The following ME1 variants were observed in gnomAD, a reference collection of about 807,000 sequenced individuals.
The protein encoded by ME1 is NADP-dependent malic enzyme.
A neutral mutation model predicts 66.4 loss-of-function variants in ME1; 74 were observed. That is an observed-to-expected ratio of 1.11 (90% CI 0.92 to 1.35). The LOEUF (loss-of-function observed/expected upper bound fraction) is 1.35, where lower values mean the gene tolerates loss of function less well. ME1 is among the 40% of genes most tolerant of loss of function. The pLI, the probability that ME1 is intolerant of heterozygous loss-of-function variation, is 0.00. For synonymous variants in ME1, 251 were observed against 235.6 expected (o/e 1.07, Z -0.60); for missense variants, 750 against 694.1 (o/e 1.08, Z -0.90).
chr6:83,354,192 T>C (rs1768846588), intron 3 of ME1, among the ~76,000 whole-genome samples: 1 of 152,190 alleles, frequency 6.6e-6, no homozygotes, highest in Admixed American at 6.5e-5. Flanking sequence ...ATTGGCATAA[T>C]CTTGGCTCAC....
rs1314576928 is a variant in ME1, at chr6:83,315,292, T to G, written c.704+18A>C. 6.8e-7 allele frequency: 1 copy of G among 1,463,482 alleles called. No homozygotes were observed. Among genetic ancestry groups the G allele is most frequent in the African/African-American group, 1.4e-5 (1 of 71,488 alleles). The allele number at this position is 1,463,482 out of a possible 1,614,324, so 90.7% of individuals were successfully genotyped here. On this transcript the variant is annotated intron_variant, in intron 6 of 13. Coordinates refer to ENST00000369705, the MANE Select transcript of ME1 (RefSeq NM_002395.6). ...TTATTGTTACTGACTAAAATATAGG[T>G]TAAATAAAGATACATACTTGGAAGA...
intron 7 of ME1, among the ~76,000 whole-genome samples, chr6:83,245,977 T>A (rs1196078880): frequency 6.6e-6 from 1 of 152,206 alleles, no homozygotes; most frequent in East Asian, 1.9e-4. Context: ...GAAAAATCTA[T>A]GAGTAAGAGG....
rs150363860 is a variant in ME1, at chr6:83,427,777, C to T, written c.78+3100G>A. On this transcript the variant is annotated intron_variant, in intron 1 of 13. Coordinates refer to ENST00000369705, the MANE Select transcript of ME1 (RefSeq NM_002395.6). ...CTGTAATCCCAACACTTTTGGGAGG[C>T]CGAGGCGGGCAGATCACTTAAGGTC... Among the ~76,000 whole-genome samples, 221 of 152,180 alleles carry T rather than the reference C, an allele frequency of 1.5e-3. 1 individual carries two copies. The highest frequency in any genetic ancestry group is 5.0e-3 in the African/African-American group (209 of 41,540).
At chr6:83,286,043 T>C (rs1311665711) in intron 6 of ME1, among the ~76,000 whole-genome samples, 1 of 152,160 alleles carries the variant, frequency 6.6e-6, no homozygotes, top group Non-Finnish European at 1.5e-5. Context: ...GTACTAGAGA[T>C]GCCATCCTGT....
intron 3 of ME1, among the ~76,000 whole-genome samples, chr6:83,389,374 A>C (rs566999061): frequency 3.9e-5 from 6 of 152,276 alleles, no homozygotes; most frequent in Non-Finnish European, 5.9e-5. Context: ...ATTAAATCTA[A>C]ATAGCATGAG....
intron 3 of ME1, among the ~76,000 whole-genome samples, chr6:83,370,638 G>C (rs1456704262): frequency 6.6e-6 from 1 of 152,044 alleles, no homozygotes; most frequent in Non-Finnish European, 1.5e-5. Flanking sequence ...ATTTAGACTG[G>C]TATCTCAGGT....
intron 6 of ME1, among the ~76,000 whole-genome samples, chr6:83,270,530 T>C (rs1044373512): frequency 6.6e-6 from 1 of 152,166 alleles, no homozygotes; most frequent in Non-Finnish European, 1.5e-5. Flanking sequence ...TTCTCAGAAC[T>C]GCACACTACT....
At chr6:83,287,488 A>G (rs1767417446) in intron 6 of ME1, among the ~76,000 whole-genome samples, 1 of 152,132 alleles carries the variant, frequency 6.6e-6, no homozygotes, top group Admixed American at 6.5e-5. Flanking sequence ...TGAACTCATC[A>G]TTTTTTATGG....
chr6:83,297,398 A>G (rs1767619543), intron 6 of ME1, among the ~76,000 whole-genome samples: 1 of 152,160 alleles, frequency 6.6e-6, no homozygotes, highest in Admixed American at 6.5e-5. Flanking sequence ...AGCAATTTAG[A>G]AATTAAATGT....
chr6:83,242,273 A>T (rs1051819956), intron 7 of ME1, among the ~76,000 whole-genome samples: 3 of 152,206 alleles, frequency 2.0e-5, no homozygotes, highest in African/African-American at 7.2e-5. Flanking sequence ...ACATAAACAT[A>T]ACAACATATG....
chr6:83,267,261 CAAACA>C (rs1204189636), intron 6 of ME1, among the ~76,000 whole-genome samples: 7 of 152,112 alleles, frequency 4.6e-5, no homozygotes, highest in Non-Finnish European at 8.8e-5. Flanking sequence ...CAGATTATTA[CAAACA>C]AATTGAGCCT....
chr6:83,238,427 C>T (rs1291082104), intron 8 of ME1, among the ~76,000 whole-genome samples: 1 of 152,036 alleles, frequency 6.6e-6, no homozygotes, highest in South Asian at 2.1e-4. Context: ...TTTGAATCAT[C>T]CAACCATGAA....
chr6:83,342,227 G>A (rs1198966741), intron 5 of ME1, among the ~76,000 whole-genome samples: 1 of 152,196 alleles, frequency 6.6e-6, no homozygotes, highest in East Asian at 1.9e-4. Flanking sequence ...CCAGGTCCTT[G>A]AGCGGCTGCT....
At chr6:83,343,408 A>C (rs1209427165) in intron 5 of ME1, among the ~76,000 whole-genome samples, 1 of 152,214 alleles carries the variant, frequency 6.6e-6, no homozygotes, top group Admixed American at 6.5e-5. Flanking sequence ...TCTCAAAGTG[A>C]CAAAGGTATT....
At chr6:83,362,726 A>T (rs1769027067) in intron 3 of ME1, among the ~76,000 whole-genome samples, 2 of 152,334 alleles carry the variant, frequency 1.3e-5, no homozygotes, top group South Asian at 4.1e-4. Flanking sequence ...ACTGGAATAG[A>T]CACTTACTTT....
chr6:83,234,571 A>G (rs1229913167), intron 9 of ME1, among the ~76,000 whole-genome samples: 1 of 152,140 alleles, frequency 6.6e-6, no homozygotes, highest in Non-Finnish European at 1.5e-5. Flanking sequence ...ATATTTCATC[A>G]GTTACTAAGT....
intron 7 of ME1, among the ~76,000 whole-genome samples, chr6:83,241,310 T>C (rs1040064647): frequency 1.3e-5 from 2 of 152,182 alleles, no homozygotes; most frequent in Non-Finnish European, 2.9e-5. Flanking sequence ...TGAGATTCTA[T>C]GATTTTAAGG....
intron 2 of ME1, among the ~76,000 whole-genome samples, chr6:83,402,415 G>A (rs72911790): frequency 6.6e-6 from 1 of 152,180 alleles, no homozygotes; most frequent in Non-Finnish European, 1.5e-5. Context: ...CTGGTCTAGA[G>A]GTCTTCATTC....
chr6:83,302,667 C>G (rs1336917364), intron 6 of ME1, among the ~76,000 whole-genome samples: 3 of 152,026 alleles, frequency 2.0e-5, no homozygotes, highest in African/African-American at 7.2e-5. Flanking sequence ...GATATTTAAC[C>G]TGAGTTATGA....
Sources: allele counts gnomAD v4.1 joint callset (sites outside exome capture counted in the v4.1 genomes callset), GRCh38; gene constraint gnomAD v4.1.1; transcripts MANE v1.5; gene names NCBI Gene and HGNC (gene_info 2026-07-23, HGNC 2026-07-21).